Variants in RAP1GAP2 observed in about 807,000 individuals in gnomAD.
RAP1GAP2 encodes RAP1 GTPase activating protein 2, also known as rap1 GTPase-activating protein 2.
Under a neutral mutation model 95.0 loss-of-function variants are expected in RAP1GAP2, and 27 were observed. The ratio of observed to expected loss-of-function variants is 0.28; its 90% confidence interval spans 0.21 to 0.39. The LOEUF is 0.39. Among genes scored for constraint, RAP1GAP2 ranks in the 10% least tolerant of loss-of-function variants. The pLI is 1.00. For missense variants in RAP1GAP2, 771 were observed against 970.0 expected, an observed-to-expected ratio of 0.79 and a Z score of 2.72; for synonymous variants, 373 against 380.9, an observed-to-expected ratio of 0.98 and a Z score of 0.24.
rs1597326127 is a variant in RAP1GAP2, at chr17:2,797,671, G to C, written c.44+1100G>C. 1.0e-6 allele frequency: 1 copy of C among 984,348 alleles called. No homozygotes were observed. Among genetic ancestry groups the C allele is most frequent in the African/African-American group, 1.7e-5 (1 of 57,308 alleles). 61.0% of individuals were successfully genotyped at this position (984,348 alleles called of 1,614,324 possible). ...ATCCTCTGGCAGGGGGGGACTGTGG[G>C]CACTCCATGTTTGGCAGATGGGATG... On this transcript the variant is annotated intron_variant, in intron 1 of 24. Coordinates refer to ENST00000254695, the MANE Select transcript of RAP1GAP2 (RefSeq NM_015085.5). This position sits in a 1 kb window ranked among gnomAD's most constrained non-coding sequence, Gnocchi z 5.6.
Position 2,995,364 on chromosome 17 carries a change from C to G in RAP1GAP2, c.942C>G (p.His314Gln). The change falls in exon 13 of 25, where the codon CAC becomes CAG. Residue 314 changes from histidine (H) to glutamine (Q), a missense_variant. Transcript: ENST00000254695. ...KGFRGGLDVT[H>Q]GQTGVESVYT... ...TCCGAGGAGGCCTGGACGTGACCCA[C>G]GGACAGACAGGGGTGGAATCAGTGT... The G allele has an allele frequency of 1.2e-6, 2 of 1,613,756 alleles. No individual in the cohort carries two copies. The highest frequency in any genetic ancestry group is 1.7e-6 in the Non-Finnish European group (2 of 1,179,682).
rs116001148 is a variant in RAP1GAP2, at chr17:3,026,614, A to G, written c.1980+150A>G. The G allele has an allele frequency of 8.5e-3, 6,565 of 770,322 alleles. 307 individuals are homozygous for G. In the African/African-American group the frequency reaches 0.1, roughly 12 times the overall value. The allele number at this position is 770,322 out of a possible 1,614,324, so 47.7% of individuals were successfully genotyped here. A position where few individuals can be genotyped will look rare whatever the true frequency, so the allele number is the denominator to read the frequency against. On this transcript the variant is annotated intron_variant, in intron 21 of 24. Transcript: ENST00000254695. ...GAAACGAGAGGTGGGCTCGTTGGCC[A>G]TCACCACCCCCTGGGCGCAGTGGGT...
At chr17:2,969,899 C>T (rs560098367) in intron 8 of RAP1GAP2, among the ~76,000 whole-genome samples, 14 of 151,998 alleles carry the variant, frequency 9.2e-5, no homozygotes, top group African/African-American at 3.1e-4. Context: ...GAGATTTTTC[C>T]GTATTAGCAT....
In RAP1GAP2 at chr17:3,034,724, C is replaced by T. The variant is rs1293929132; in HGVS notation, c.*1363C>T. 1.3e-5 allele frequency: 2 copies of T among 152,844 alleles called. No individual in the cohort carries two copies. The highest frequency in any genetic ancestry group is 4.8e-5 in the African/African-American group (2 of 41,480). 9.5% of individuals were successfully genotyped at this position (152,844 alleles called of 1,614,324 possible). ...CCTTGCTGGGACAGCCAGCTCACCT[C>T]CAAGGACATCCCCTCCTGGCTTCTC... On this transcript the variant is annotated 3_prime_UTR_variant, in exon 25 of 25. Coordinates refer to ENST00000254695, the MANE Select transcript of RAP1GAP2 (RefSeq NM_015085.5). The surrounding 1 kb of genome is among the most constrained non-coding windows in gnomAD (Gnocchi z 5.1).
chr17:2,845,183 C>T (rs2071533597), intron 2 of RAP1GAP2, among the ~76,000 whole-genome samples: 1 of 152,216 alleles, frequency 6.6e-6, no homozygotes. Flanking sequence ...CACTCTGTTG[C>T]TCACGCTGGA....
chr17:2,997,921 T>TC (rs1244045599), intron 13 of RAP1GAP2, among the ~76,000 whole-genome samples: 3 of 94,930 alleles, frequency 3.2e-5, no homozygotes, highest in Admixed American at 1.2e-4. Flanking sequence ...AGACCCTGTC[T>TC]CAAAAAAAAA....
At chr17:2,881,944 C>T (rs2151670148) in intron 2 of RAP1GAP2, among the ~76,000 whole-genome samples, 1 of 152,014 alleles carries the variant, frequency 6.6e-6, no homozygotes, top group Middle Eastern at 3.4e-3. Context: ...CCTCAGCCTC[C>T]CGAGTAGCTG....
chr17:2,837,681 A>G (rs1378272307), intron 2 of RAP1GAP2, among the ~76,000 whole-genome samples: 1 of 145,198 alleles, frequency 6.9e-6, no homozygotes, highest in Non-Finnish European at 1.5e-5. Flanking sequence ...ACCTTGGCTC[A>G]CTGCAAGCTC....
rs987496277 is a variant in RAP1GAP2, at chr17:2,760,310, A to G, written c.50+4543A>G. ...TCTGTCTCAAAAAAAAAAAAAAAAAAAAAGAAAAGAAAAAAGAAAAATGGT... is the reference window on the plus strand; with the variant it reads ...TCTGTCTCAAAAAAAAAAAAAAAAAGAAAGAAAAGAAAAAAGAAAAATGGT... On this transcript the variant is annotated intron_variant, in intron 1 of 25. Coordinates refer to the RAP1GAP2 transcript ENST00000637138. Among the ~76,000 whole-genome samples the G allele has an allele frequency of 1.2e-4, 18 of 150,566 alleles. No homozygotes were observed. The South Asian group carries it at 1.3e-3, about 11-fold the overall frequency.
intron 3 of RAP1GAP2, among the ~76,000 whole-genome samples, chr17:2,945,066 G>A (rs910071335): frequency 5.9e-5 from 9 of 152,060 alleles, no homozygotes; most frequent in South Asian, 2.1e-4. Flanking sequence ...TAGTAGAGAC[G>A]AGGTTTCACT....
rs1597564165 is a variant in RAP1GAP2, at chr17:2,902,662, G to A, written c.81-2622G>A. The stretch of plus-strand genomic sequence containing the variant: ...TGCTCTAGCGCCTTCCAAGCTCCCA[G>A]GCATCATTTGGGAAATCCTTCTGGT... On this transcript the variant is annotated intron_variant, in intron 2 of 24. Coordinates refer to ENST00000254695, the MANE Select transcript of RAP1GAP2 (RefSeq NM_015085.5). This position sits in a 1 kb window ranked among gnomAD's most constrained non-coding sequence, Gnocchi z 4.1. Among the ~76,000 whole-genome samples, 1 of 152,158 alleles carries A rather than the reference G, an allele frequency of 6.6e-6. No individual in the cohort carries two copies. Among genetic ancestry groups the A allele is most frequent in the African/African-American group, 2.4e-5 (1 of 41,442 alleles).
chr17:2,793,153 AT>A (rs200252910), upstream of RAP1GAP2, among the ~76,000 whole-genome samples: 4,785 of 138,718 alleles, frequency 0.034, 170 homozygotes, highest in African/African-American at 0.098. Flanking sequence ...TTGCAACAGG[AT>A]TTTTTTTTTT....
At chr17:2,900,598 C>T (rs1292668858) in intron 2 of RAP1GAP2, among the ~76,000 whole-genome samples, 9 of 152,090 alleles carry the variant, frequency 5.9e-5, no homozygotes, top group African/African-American at 2.2e-4. Flanking sequence ...CCCGCCACCA[C>T]GCCTGGCTAA....
intron 3 of RAP1GAP2, among the ~76,000 whole-genome samples, chr17:2,914,586 G>A (rs1259711236): frequency 6.6e-6 from 1 of 151,944 alleles, no homozygotes; most frequent in East Asian, 2.0e-4. Context: ...TGCCTCCTGG[G>A]TTCACACCAT....
chr17:2,977,911 A>G (rs868567666), intron 8 of RAP1GAP2, among the ~76,000 whole-genome samples: 2 of 152,248 alleles, frequency 1.3e-5, no homozygotes, highest in African/African-American at 4.8e-5. Flanking sequence ...AAAATACAGT[A>G]GTCTCCTCAT....
intron 2 of RAP1GAP2, among the ~76,000 whole-genome samples, chr17:2,896,765 A>G (rs890667224): frequency 6.6e-6 from 1 of 152,180 alleles, no homozygotes; most frequent in African/African-American, 2.4e-5. Context: ...GCCCTGGTGC[A>G]GTTTAGGACT....
intron 3 of RAP1GAP2, among the ~76,000 whole-genome samples, chr17:2,939,931 G>C (rs2043430798): frequency 6.6e-6 from 1 of 152,256 alleles, no homozygotes; most frequent in African/African-American, 2.4e-5. Context: ...GAGTCCTGTA[G>C]TTCCTTGTTT....
At chr17:2,993,054 C>CAA (rs1157432511) in intron 12 of RAP1GAP2, among the ~76,000 whole-genome samples, 14,936 of 102,830 alleles carry the variant, frequency 0.15, 1,055 homozygotes, top group Non-Finnish European at 0.22. Flanking sequence ...ACTAAAAATA[C>CAA]AAAAAAAAAA....
At chr17:3,013,903 T>G (rs2046660478) in intron 17 of RAP1GAP2, among the ~76,000 whole-genome samples, 1 of 152,174 alleles carries the variant, frequency 6.6e-6, no homozygotes, top group Admixed American at 6.5e-5. Flanking sequence ...CAATAGATCT[T>G]GTATGTGAAG....
Sources: allele counts gnomAD v4.1 joint callset (sites outside exome capture counted in the v4.1 genomes callset), GRCh38; gene constraint gnomAD v4.1.1; non-coding constraint Gnocchi (gnomAD v3.1); transcripts MANE v1.5; gene names NCBI Gene and HGNC (gene_info 2026-07-23, HGNC 2026-07-21).